The following CHL1 variants were observed in gnomAD, a reference collection of about 807,000 sequenced individuals.
CHL1 encodes the protein neural cell adhesion molecule L1-like protein.
A neutral mutation model predicts 141.9 loss-of-function variants in CHL1; 96 were observed. The ratio of observed to expected loss-of-function variants is 0.68; its 90% CI spans 0.57 to 0.80. CHL1 has a LOEUF of 0.80. Ranked by LOEUF, CHL1 falls within the 30% of genes least tolerant of loss-of-function variation. The pLI is 0.00. For missense variants in CHL1, 1,820 were observed against 1,457.2 expected, an observed-to-expected ratio of 1.25 and a Z score of -4.05; for synonymous variants, 613 against 502.2, an observed-to-expected ratio of 1.22 and a Z score of -2.95.
intron 2 of CHL1, among the ~76,000 whole-genome samples, chr3:302,836 G>A (rs1698876721): frequency 6.6e-6 from 1 of 152,146 alleles, no homozygotes; most frequent in Admixed American, 6.5e-5. Context: ...TGTTCTGAAT[G>A]GTATTGCCCA....
intron 5 of CHL1, among the ~76,000 whole-genome samples, chr3:335,787 T>G (rs2125114812): frequency 6.6e-6 from 1 of 152,304 alleles, no homozygotes; most frequent in African/African-American, 2.4e-5. Flanking sequence ...TTCAAATAAT[T>G]GCACAAAGTC....
At chr3:307,168 TGA>T (rs1394876538) in intron 2 of CHL1, among the ~76,000 whole-genome samples, 2 of 152,186 alleles carry the variant, frequency 1.3e-5, no homozygotes, top group Admixed American at 6.5e-5. Context: ...TAGAGAAAAA[TGA>T]GAGTTTTAAT....
At chr3:265,687 G>C (rs1695090795) in intron 2 of CHL1, among the ~76,000 whole-genome samples, 1 of 152,150 alleles carries the variant, frequency 6.6e-6, no homozygotes, top group Non-Finnish European at 1.5e-5. Flanking sequence ...TGGGAGATGT[G>C]GGGAATGGGT....
chr3:215,570 A>G (rs73088643), intron 1 of CHL1, among the ~76,000 whole-genome samples: 157 of 152,294 alleles, frequency 1.0e-3, no homozygotes, highest in African/African-American at 3.5e-3. Flanking sequence ...TCTCACCACA[A>G]AGAAATAATG....
intron 1 of CHL1, among the ~76,000 whole-genome samples, chr3:215,139 C>T (rs1022722759): frequency 9.9e-5 from 15 of 151,900 alleles, no homozygotes; most frequent in Non-Finnish European, 1.5e-4. Flanking sequence ...GCATTATTTA[C>T]AATAGCCAAG....
intron 1 of CHL1, among the ~76,000 whole-genome samples, chr3:201,256 C>T (rs867026847): frequency 6.6e-5 from 10 of 152,248 alleles, no homozygotes; most frequent in African/African-American, 9.6e-5. Context: ...GTTTCGTTAA[C>T]GAATGTTTTA....
chr3:230,087 C>A (rs1228018078), intron 1 of CHL1, among the ~76,000 whole-genome samples: 1 of 152,128 alleles, frequency 6.6e-6, no homozygotes, highest in Non-Finnish European at 1.5e-5. Flanking sequence ...ACAAACTGGC[C>A]CCCACTGGAA....
intron 1 of CHL1, among the ~76,000 whole-genome samples, chr3:198,665 C>T (rs1698634091): frequency 6.6e-6 from 1 of 152,214 alleles, no homozygotes; most frequent in Non-Finnish European, 1.5e-5. Flanking sequence ...ATATTTGATG[C>T]ATAATAAGCA....
chr3:349,789 A>G (rs1703088321), intron 10 of CHL1, among the ~76,000 whole-genome samples: 1 of 152,232 alleles, frequency 6.6e-6, no homozygotes, highest in Non-Finnish European at 1.5e-5. Flanking sequence ...GACAGTTTAC[A>G]TGATTTATTC....
chr3:367,771 C>T (rs1484208122), intron 15 of CHL1, among the ~76,000 whole-genome samples: 2 of 152,084 alleles, frequency 1.3e-5, no homozygotes, highest in African/African-American at 4.8e-5. Flanking sequence ...ATTGACCTGT[C>T]CTCTAAGTTC....
At chr3:254,326 G>A (rs1693965769) in intron 2 of CHL1, among the ~76,000 whole-genome samples, 1 of 152,138 alleles carries the variant, frequency 6.6e-6, no homozygotes, top group Non-Finnish European at 1.5e-5. Context: ...TCTTCCCAGG[G>A]AAACCAACCT....
intron 2 of CHL1, among the ~76,000 whole-genome samples, chr3:266,628 G>C (rs1488001188): frequency 2.6e-5 from 4 of 152,144 alleles, no homozygotes; most frequent in African/African-American, 9.7e-5. Context: ...TAGTGATTGT[G>C]TGGTTTTCCT....
intron 1 of CHL1, among the ~76,000 whole-genome samples, chr3:225,977 T>C (rs746141737): frequency 1.5e-4 from 22 of 151,266 alleles, no homozygotes; most frequent in South Asian, 1.3e-3. Context: ...CCAGTGCACT[T>C]CAGCCCGGGA....
At chr3:329,077 G>T (rs894216579) in intron 5 of CHL1, among the ~76,000 whole-genome samples, 1 of 152,128 alleles carries the variant, frequency 6.6e-6, no homozygotes, top group African/African-American at 2.4e-5. Context: ...ATCGTCCCCT[G>T]AAGTAGCGTA....
At chr3:296,127 G>A (rs1289737580) in intron 2 of CHL1, among the ~76,000 whole-genome samples, 1 of 152,118 alleles carries the variant, frequency 6.6e-6, no homozygotes, top group East Asian at 1.9e-4. Context: ...TATACTGCTT[G>A]AGTCTCTTGG....
At chr3:221,192 A>G (rs756370856) in intron 1 of CHL1, among the ~76,000 whole-genome samples, 5 of 152,222 alleles carry the variant, frequency 3.3e-5, no homozygotes, top group Non-Finnish European at 7.3e-5. Flanking sequence ...GATAAAACCA[A>G]GCTGTAGCCC....
chr3:319,868 G>A lies in CHL1; in HGVS notation c.91+1G>A. ...AAAGCAATTGAAATACCATCTTCAG[G>A]TAAAGTTAAAACATTCAGTGCCTAT... On this transcript the variant is annotated splice_donor_variant, in intron 3 of 27. Transcript: ENST00000256509. LOFTEE classifies it high-confidence loss of function. The A allele has an allele frequency of 1.3e-6, 2 of 1,554,116 alleles. No homozygotes were observed. Among genetic ancestry groups the A allele is most frequent in the Non-Finnish European group, 1.8e-6 (2 of 1,130,150 alleles).
intron 2 of CHL1, among the ~76,000 whole-genome samples, chr3:244,907 A>G (rs555557069): frequency 6.6e-6 from 1 of 152,244 alleles, no homozygotes; most frequent in African/African-American, 2.4e-5. Flanking sequence ...TTTATTTTTG[A>G]AAGAGCAAAA....
intron 1 of CHL1, among the ~76,000 whole-genome samples, chr3:243,782 C>A (rs1290092232): frequency 6.6e-6 from 1 of 152,154 alleles, no homozygotes; most frequent in Non-Finnish European, 1.5e-5. Context: ...TTAGTAATTT[C>A]TACCAGAATG....
Sources: allele counts gnomAD v4.1 joint callset (sites outside exome capture counted in the v4.1 genomes callset), GRCh38; gene constraint gnomAD v4.1.1; transcripts MANE v1.5; gene names NCBI Gene and HGNC (gene_info 2026-07-23, HGNC 2026-07-21).